The following CCSER1 variants were observed in gnomAD, a reference collection of about 807,000 sequenced individuals.
The protein encoded by CCSER1 is serine-rich coiled-coil domain-containing protein 1.
Under a neutral mutation model 82.0 loss-of-function variants are expected in CCSER1, and 41 were observed. That is an observed-to-expected ratio of 0.50 (90% CI 0.39 to 0.65). CCSER1 has a LOEUF of 0.65. Among genes scored for constraint, CCSER1 ranks in the 30% least tolerant of loss-of-function variants. CCSER1 has a pLI of 0.00. For missense variants in CCSER1, 1,119 were observed against 1,064.2 expected (o/e 1.05, Z -0.72); for synonymous variants, 414 against 383.9 (o/e 1.08, Z -0.92).
chr4:91,293,522 G>T (rs2149222556), intron 10 of CCSER1, among the ~76,000 whole-genome samples: 1 of 152,012 alleles, frequency 6.6e-6, no homozygotes, highest in Admixed American at 6.6e-5. Context: ...TGTTTCAATT[G>T]ACATGGGAAA....
intron 6 of CCSER1, among the ~76,000 whole-genome samples, chr4:90,660,205 T>A (rs1401207840): frequency 6.6e-6 from 1 of 152,024 alleles, no homozygotes; most frequent in Non-Finnish European, 1.5e-5. Context: ...AAAGAAATCA[T>A]TATATCAAAA....
intron 3 of CCSER1, among the ~76,000 whole-genome samples, chr4:90,359,414 AC>A (rs1351481998): frequency 1.3e-5 from 2 of 151,988 alleles, no homozygotes; most frequent in African/African-American, 2.4e-5. Context: ...TGAGCATATA[AC>A]CTCTGGAGCA....
chr4:91,207,912 A>G (rs1000517449), intron 10 of CCSER1, among the ~76,000 whole-genome samples: 11 of 151,840 alleles, frequency 7.2e-5, no homozygotes, highest in Admixed American at 5.9e-4. Context: ...CTTTTTAATA[A>G]CAGCCGTTCT....
At chr4:91,547,826 G>A (rs1761966049) in intron 10 of CCSER1, among the ~76,000 whole-genome samples, 1 of 152,084 alleles carries the variant, frequency 6.6e-6, no homozygotes, top group South Asian at 2.1e-4. Flanking sequence ...CTGTTGCCCA[G>A]GCTGGAGTGC....
At chr4:90,737,448 TG>T in intron 7 of CCSER1, among the ~76,000 whole-genome samples, 1 of 152,324 alleles carries the variant, frequency 6.6e-6, no homozygotes, top group African/African-American at 2.4e-5. Context: ...CATTATTTCC[TG>T]GCCTGTAAGG....
chr4:90,994,372 G>A (rs1737306394), intron 9 of CCSER1, among the ~76,000 whole-genome samples: 3 of 151,872 alleles, frequency 2.0e-5, no homozygotes. Flanking sequence ...TAAAATATTG[G>A]ATGTCTTATA....
intron 9 of CCSER1, among the ~76,000 whole-genome samples, chr4:91,054,366 T>G (rs1381081631): frequency 6.6e-6 from 1 of 152,206 alleles, no homozygotes; most frequent in Non-Finnish European, 1.5e-5. Flanking sequence ...TTAGCACTTC[T>G]TCTATTATTT....
intron 1 of CCSER1, among the ~76,000 whole-genome samples, chr4:90,202,148 A>G (rs1198575849): frequency 2.0e-5 from 3 of 152,136 alleles, no homozygotes; most frequent in Non-Finnish European, 2.9e-5. Flanking sequence ...GTGATTCATA[A>G]TGAACCCTGA....
At chr4:90,493,520 C>T (rs188834071) in intron 5 of CCSER1, among the ~76,000 whole-genome samples, 61 of 152,216 alleles carry the variant, frequency 4.0e-4, no homozygotes, top group African/African-American at 1.3e-3. Context: ...AGAGAAAGGT[C>T]GGGTTACCCA....
At chr4:91,510,005 T>C (rs937771376) in intron 10 of CCSER1, among the ~76,000 whole-genome samples, 6 of 152,004 alleles carry the variant, frequency 3.9e-5, no homozygotes, top group Admixed American at 2.0e-4. Context: ...TTGCCCCCTC[T>C]CTCCACCCTC....
At chr4:90,895,339 A>G (rs1723551374) in intron 8 of CCSER1, among the ~76,000 whole-genome samples, 1 of 151,914 alleles carries the variant, frequency 6.6e-6, no homozygotes, top group South Asian at 2.1e-4. Context: ...GTAGGCATAT[A>G]TTTTTATCAG....
At chr4:91,182,150 G>T (rs1369921257) in intron 10 of CCSER1, among the ~76,000 whole-genome samples, 3 of 152,184 alleles carry the variant, frequency 2.0e-5, no homozygotes, top group African/African-American at 7.2e-5. Flanking sequence ...GTCCTCCTCA[G>T]TGTCAGTCTC....
chr4:90,909,101 C>T (rs1272518524), intron 8 of CCSER1, among the ~76,000 whole-genome samples: 1 of 142,048 alleles, frequency 7.0e-6, no homozygotes, highest in Non-Finnish European at 1.6e-5. Flanking sequence ...TTTGAAGTTG[C>T]TTGGCTTGTA....
intron 8 of CCSER1, among the ~76,000 whole-genome samples, chr4:90,904,792 G>C (rs17017799): frequency 0.13 from 19,258 of 152,012 alleles, 1,864 homozygotes; most frequent in African/African-American, 0.27. Context: ...GCTAAACCCT[G>C]TTATATGATG....
In CCSER1 at chr4:90,886,805, A is replaced by G. The variant is rs553807779; in HGVS notation, c.2095-36565A>G. Among the ~76,000 whole-genome samples, 3 of 152,286 alleles carry G rather than the reference A, an allele frequency of 2.0e-5. No individual in the cohort carries two copies. The East Asian group carries it at 5.8e-4, about 29-fold the overall frequency. Reference sequence around the variant, plus strand: ...ACCATTATAAAGAATATTTCTTAAAAAATTCTGTGTCTACTGAATTGAAAA... The same window carrying G: ...ACCATTATAAAGAATATTTCTTAAAGAATTCTGTGTCTACTGAATTGAAAA... On this transcript the variant is annotated intron_variant, in intron 8 of 10. Coordinates refer to ENST00000509176, the MANE Select transcript of CCSER1 (RefSeq NM_001145065.2).
chr4:90,825,683 C>A (rs1760327014), intron 8 of CCSER1, among the ~76,000 whole-genome samples: 1 of 150,694 alleles, frequency 6.6e-6, no homozygotes, highest in African/African-American at 2.4e-5. Context: ...CTCCTCTGGG[C>A]ATGGCAAAAC....
chr4:90,972,911 C>T (rs764952756), intron 9 of CCSER1, among the ~76,000 whole-genome samples: 9 of 151,518 alleles, frequency 5.9e-5, no homozygotes, highest in Non-Finnish European at 7.4e-5. Context: ...AATGGGGGGA[C>T]GAAGGAATAG....
chr4:90,312,390 C>A (rs963168162), intron 2 of CCSER1, among the ~76,000 whole-genome samples: 3 of 152,084 alleles, frequency 2.0e-5, no homozygotes, highest in African/African-American at 7.2e-5. Flanking sequence ...AAAACATCAC[C>A]TTTTGGCTAG....
chr4:91,504,921 CAA>C (rs754055082), intron 10 of CCSER1, among the ~76,000 whole-genome samples: 17 of 152,222 alleles, frequency 1.1e-4, no homozygotes, highest in Middle Eastern at 3.4e-3. Flanking sequence ...TTTTACCTCT[CAA>C]ATTATTTTAT....
Sources: allele counts gnomAD v4.1 joint callset (sites outside exome capture counted in the v4.1 genomes callset), GRCh38; gene constraint gnomAD v4.1.1; transcripts MANE v1.5; gene names NCBI Gene and HGNC (gene_info 2026-07-23, HGNC 2026-07-21).